The following ZFYVE26 variants were observed in gnomAD, a reference collection of about 807,000 sequenced individuals.
ZFYVE26 encodes the protein zinc finger FYVE domain-containing protein 26.
A neutral mutation model predicts 276.5 loss-of-function variants in ZFYVE26; 181 were observed. The ratio of observed to expected loss-of-function variants is 0.65; its 90% CI spans 0.58 to 0.74. ZFYVE26 has a LOEUF of 0.74. Among genes scored for constraint, ZFYVE26 ranks in the 30% least tolerant of loss-of-function variants. The pLI, the probability that ZFYVE26 is intolerant of heterozygous loss-of-function variation, is 0.00. For synonymous variants in ZFYVE26, 1,129 were observed against 1,203.1 expected, an observed-to-expected ratio of 0.94 and a Z score of 1.27; for missense variants, 2,821 against 3,097.9, an observed-to-expected ratio of 0.91 and a Z score of 2.12.
intron 13 of ZFYVE26, among the ~76,000 whole-genome samples, chr14:67,731,393 C>T (rs1351147795): frequency 2.0e-5 from 3 of 151,316 alleles, no homozygotes; most frequent in Non-Finnish European, 4.4e-5. Flanking sequence ...TTTTGTATTT[C>T]TAGTAGAGAT....
At chr14:67,749,564 C>G (rs1021387426) in intron 41 of ZFYVE26, among the ~76,000 whole-genome samples, 1 of 152,202 alleles carries the variant, frequency 6.6e-6, no homozygotes, top group African/African-American at 2.4e-5. Context: ...TCCCTTTCTG[C>G]TGCAATAATC....
At position 67,804,087 on chromosome 14, in the gene ZFYVE26, C is replaced by T; in HGVS notation, c.1435+14G>A. The T allele has an allele frequency of 6.2e-7, 1 of 1,613,846 alleles. No individual in the cohort carries two copies. Among genetic ancestry groups the T allele is most frequent in the Non-Finnish European group, 8.5e-7 (1 of 1,180,018 alleles). Reference sequence around the variant, plus strand: ...AAGAGGAAATCCTGGCCAGGTCATTCCATCCCAACTCACCAGGCTCTTGCT... The same window carrying T: ...AAGAGGAAATCCTGGCCAGGTCATTTCATCCCAACTCACCAGGCTCTTGCT... On this transcript the variant is annotated intron_variant, in intron 9 of 41. Coordinates refer to ENST00000347230, the MANE Select transcript of ZFYVE26 (RefSeq NM_015346.4).
chr14:67,782,485 G>A lies in ZFYVE26; in HGVS notation c.4372+295C>T, dbSNP rs532351138. ...GCTCTATCCTGGGCCTCTGGGGAAG[G>A]GACCCAAACATTTGTAGTCTGTAGA... On this transcript the variant is annotated intron_variant, in intron 21 of 41. Transcript: ENST00000347230. Among the ~76,000 whole-genome samples, 5 of 152,172 alleles carry A rather than the reference G, an allele frequency of 3.3e-5. No homozygotes were observed. The South Asian group carries it at 1.0e-3, about 32-fold the overall frequency.
chr14:67,774,063 A>C (rs1282858676), intron 27 of ZFYVE26, among the ~76,000 whole-genome samples: 1 of 152,198 alleles, frequency 6.6e-6, no homozygotes, highest in Non-Finnish European at 1.5e-5. Flanking sequence ...GCATATTTGT[A>C]AAGTTGCTTG....
At position 67,809,368 on chromosome 14, in the gene ZFYVE26, A is replaced by T. The variant is rs1016816723; in HGVS notation, c.274-79T>A. The T allele has an allele frequency of 7.6e-6, 8 of 1,046,658 alleles. No homozygotes were observed. In the African/African-American group the frequency reaches 1.3e-4, roughly 17 times the overall value. 64.8% of individuals were successfully genotyped at this position (1,046,658 alleles called of 1,614,324 possible). On this transcript the variant is annotated intron_variant, in intron 3 of 41. Transcript: ENST00000347230. Reference sequence around the variant, plus strand: ...AAATTATAATTAAATATTTCTGTCCAGTTAGTCTTATTTCTGCTATTTCTC... The same window carrying T: ...AAATTATAATTAAATATTTCTGTCCTGTTAGTCTTATTTCTGCTATTTCTC...
At chr14:67,756,938 A>G (rs975208445) in intron 35 of ZFYVE26, among the ~76,000 whole-genome samples, 2 of 152,138 alleles carry the variant, frequency 1.3e-5, no homozygotes, top group African/African-American at 4.8e-5. Context: ...TGTTTCTTGA[A>G]ACCTGCTCTT....
intron 41 of ZFYVE26, 129 bp downstream of exon 41, chr14:67,750,923 C>G: frequency 8.2e-7 from 1 of 1,220,000 alleles, no homozygotes; most frequent in Non-Finnish European, 1.2e-6. Context: ...TCAGCTCCAC[C>G]TCTGATAATA....
intron 3 of ZFYVE26, among the ~76,000 whole-genome samples, chr14:67,810,942 CCTAA>C (rs1768362686): frequency 6.6e-6 from 1 of 152,066 alleles, no homozygotes; most frequent in Admixed American, 6.6e-5. Flanking sequence ...GAGCACAAGA[CCTAA>C]CTATCTCCAT....
In ZFYVE26 at chr14:67,772,035, G is replaced by A. The variant is rs200872341; in HGVS notation, c.5484+12C>T. On this transcript the variant is annotated intron_variant, in intron 28 of 41. Transcript: ENST00000347230. ...TCTCCTGAGGGTGACAGTGGAGACCGATGCTGCTTACCATGGTGAAGTGCT... is the reference window on the plus strand; with the variant it reads ...TCTCCTGAGGGTGACAGTGGAGACCAATGCTGCTTACCATGGTGAAGTGCT... The A allele has an allele frequency of 1.1e-4, 172 of 1,609,562 alleles. No homozygotes were observed. The highest frequency in any genetic ancestry group is 1.3e-4 in the Non-Finnish European group (153 of 1,178,782).
At position 67,816,586 on chromosome 14, in the gene ZFYVE26, G is replaced by C. The variant is rs895598535; in HGVS notation, c.-136C>G. 1 of 152,386 alleles carries C rather than the reference G, an allele frequency of 6.6e-6. No individual in the cohort carries two copies. Among genetic ancestry groups the C allele is most frequent in the Non-Finnish European group, 1.5e-5 (1 of 68,190 alleles). The allele number at this position is 152,386 out of a possible 1,614,324, so 9.4% of individuals were successfully genotyped here. On this transcript the variant is annotated 5_prime_UTR_variant, in exon 1 of 42. Coordinates refer to ENST00000347230, the MANE Select transcript of ZFYVE26 (RefSeq NM_015346.4). The stretch of plus-strand genomic sequence containing the variant: ...CTCTCAGCGCAGCCATGTTTGAGCC[G>C]AGTCAGGTGACAGAACCCACTCCGA...
At chr14:67,775,224 T>C in intron 26 of ZFYVE26, 110 bp from the exon 27 acceptor site, 1 of 718,238 alleles carries the variant, frequency 1.4e-6, no homozygotes, top group South Asian at 1.9e-5. Context: ...TGTCATTCCA[T>C]GACTCTACTA....
At chr14:67,815,644 G>T in intron 2 of ZFYVE26, 126 bp downstream of exon 2, 1 of 952,004 alleles carries the variant, frequency 1.1e-6, no homozygotes, top group East Asian at 2.4e-5. Flanking sequence ...CAGAGCACGT[G>T]AAATACACTG....
intron 2 of ZFYVE26, among the ~76,000 whole-genome samples, chr14:67,815,091 G>A (rs1171965689): frequency 2.6e-5 from 4 of 152,222 alleles, no homozygotes; most frequent in African/African-American, 9.6e-5. Flanking sequence ...ACCAAGGAGT[G>A]AGGGAATTCT....
At chr14:67,749,712 T>C (rs2038584785) in intron 41 of ZFYVE26, among the ~76,000 whole-genome samples, 1 of 152,244 alleles carries the variant, frequency 6.6e-6, no homozygotes, top group South Asian at 2.1e-4. Flanking sequence ...ATGTCTGGCA[T>C]GTTCTGAGGT....
intron 34 of ZFYVE26, chr14:67,761,917 A>G (rs2038940918): frequency 1.8e-6 from 1 of 556,192 alleles, no homozygotes; most frequent in South Asian, 2.1e-5. Flanking sequence ...AAAATTCACC[A>G]GAATTTTAAC....
chr14:67,756,382 T>G, intron 35 of ZFYVE26: 1 of 556,724 alleles, frequency 1.8e-6, no homozygotes, highest in Non-Finnish European at 3.2e-6. Context: ...CTGTCTCCAA[T>G]TCCCTCCTGT....
chr14:67,756,171 A>G (rs1274286017), intron 35 of ZFYVE26, 26 bp from the exon 36 acceptor site: 3 of 1,612,844 alleles, frequency 1.9e-6, no homozygotes, highest in Non-Finnish European at 1.7e-6. Context: ...GCGAGAAGTC[A>G]GAAGTCTTGA....
At chr14:67,793,512 CCCCTGAGTGCT>C in intron 14 of ZFYVE26, 85 bp downstream of exon 14, 1 of 1,411,942 alleles carries the variant, frequency 7.1e-7, no homozygotes, top group South Asian at 1.2e-5. Flanking sequence ...TTGATGTGGA[CCCCTGAGTGCT>C]CCCAGGTGGC....
chr14:67,789,705 A>G (rs2140232851), intron 15 of ZFYVE26, 107 bp from the exon 16 acceptor site: 2 of 1,434,638 alleles, frequency 1.4e-6, no homozygotes, highest in African/African-American at 1.4e-5. Context: ...TCATCTGCAC[A>G]GGGTATCTTT....
Sources: allele counts gnomAD v4.1 joint callset (sites outside exome capture counted in the v4.1 genomes callset), GRCh38; gene constraint gnomAD v4.1.1; transcripts MANE v1.5; gene names NCBI Gene and HGNC (gene_info 2026-07-23, HGNC 2026-07-21).